ARL15: variants seen among roughly 807,000 people sequenced by gnomAD.
ARL15 encodes the protein ARF like GTPase 15.
Under a neutral mutation model 25.2 loss-of-function variants are expected in ARL15, and 19 were observed. The observed-to-expected ratio is 0.75, with a 90% CI of 0.53 to 1.10. The LOEUF is 1.10. ARL15 is among the 50% of genes least tolerant of loss of function. ARL15 has a pLI of 0.00. For missense variants in ARL15, 220 were observed against 246.0 expected (o/e 0.89, Z 0.71); for synonymous variants, 94 against 86.8 (o/e 1.08, Z -0.46).
intron 4 of ARL15, among the ~76,000 whole-genome samples, chr5:54,019,465 G>T (rs886932908): frequency 5.3e-5 from 8 of 152,208 alleles, no homozygotes; most frequent in African/African-American, 1.7e-4. Context: ...ACTACAGAGG[G>T]CTATACCTAG....
chr5:54,253,510 T>C (rs765383057), intron 1 of ARL15, among the ~76,000 whole-genome samples: 5 of 152,144 alleles, frequency 3.3e-5, no homozygotes, highest in Non-Finnish European at 7.4e-5. Context: ...CACAAGTGGG[T>C]TCCCTGCCAA....
chr5:54,292,492 ATCAC>A (rs1758358880), intron 1 of ARL15, among the ~76,000 whole-genome samples: 1 of 152,192 alleles, frequency 6.6e-6, no homozygotes, highest in Non-Finnish European at 1.5e-5. Flanking sequence ...AGAAGGCAGA[ATCAC>A]AACCCATGAA....
rs10701447 is a variant in ARL15, at chr5:54,009,542, ACT to A, written c.462+103658_462+103659del. 2.5e-4 allele frequency among the ~76,000 whole-genome samples: 38 copies of A among 152,076 alleles called. 1 individual carries two copies. Among genetic ancestry groups the A allele is most frequent in the Admixed American group, 4.6e-4 (7 of 15,248 alleles). On this transcript the variant is annotated intron_variant, in intron 4 of 4. Coordinates refer to ENST00000504924, the MANE Select transcript of ARL15 (RefSeq NM_019087.3). Reference sequence around the variant, plus strand: ...TTCAGGTCAAAAAACATTGCCCTGAACTCTCTGGCTGCTGCAGACATTCCTGC... The same window carrying A: ...TTCAGGTCAAAAAACATTGCCCTGAACTCTGGCTGCTGCAGACATTCCTGC...
intron 4 of ARL15, among the ~76,000 whole-genome samples, chr5:53,945,438 G>C (rs1462659592): frequency 1.3e-5 from 2 of 152,106 alleles, no homozygotes; most frequent in Admixed American, 1.3e-4. Flanking sequence ...GTTTGTTTAG[G>C]TCAAGGGTGA....
intron 4 of ARL15, among the ~76,000 whole-genome samples, chr5:53,900,373 C>A (rs1745024272): frequency 6.6e-6 from 1 of 152,108 alleles, no homozygotes; most frequent in Non-Finnish European, 1.5e-5. Flanking sequence ...TTATAACAGG[C>A]ATTATAAATA....
chr5:54,094,926 A>T (rs1007913298), intron 4 of ARL15, among the ~76,000 whole-genome samples: 1 of 152,238 alleles, frequency 6.6e-6, no homozygotes, highest in African/African-American at 2.4e-5. Flanking sequence ...AAGTTAGATC[A>T]GCAGCCTTCT....
At chr5:54,044,750 T>C (rs192171599) in intron 4 of ARL15, among the ~76,000 whole-genome samples, 1 of 152,324 alleles carries the variant, frequency 6.6e-6, no homozygotes, top group South Asian at 2.1e-4. Context: ...CTATATATTG[T>C]TTGCAAAATT....
At chr5:54,140,856 C>A (rs1178654068) in intron 3 of ARL15, among the ~76,000 whole-genome samples, 1 of 152,110 alleles carries the variant, frequency 6.6e-6, no homozygotes, top group Non-Finnish European at 1.5e-5. Flanking sequence ...TACCCATACA[C>A]AAAACACAAA....
At position 54,202,026 on chromosome 5, in the gene ARL15, C is replaced by T. The variant is rs545164429; in HGVS notation, c.49-30098G>A. On this transcript the variant is annotated intron_variant, in intron 1 of 4. Transcript: ENST00000504924. ...CTAGAGTATATGGCACAAATAAATT[C>T]GAAATTTGACATTTTAAAAGTCATA... Among the ~76,000 whole-genome samples, 29 of 152,142 alleles carry T rather than the reference C, an allele frequency of 1.9e-4. No individual in the cohort carries two copies. In the South Asian group the frequency reaches 4.6e-3, roughly 24 times the overall value.
chr5:53,891,574 C>T (rs1483967705), intron 4 of ARL15, among the ~76,000 whole-genome samples: 3 of 152,130 alleles, frequency 2.0e-5, no homozygotes, highest in Non-Finnish European at 4.4e-5. Flanking sequence ...TACCTCTCAC[C>T]CTGTATGGGG....
intron 4 of ARL15, among the ~76,000 whole-genome samples, chr5:54,072,973 C>T (rs1751473925): frequency 6.6e-6 from 1 of 152,128 alleles, no homozygotes; most frequent in Admixed American, 6.5e-5. Flanking sequence ...TTGTCAATGT[C>T]TTTTCTAGAC....
intron 3 of ARL15, among the ~76,000 whole-genome samples, chr5:54,141,292 TC>T (rs1054596736): frequency 1.6e-4 from 25 of 152,160 alleles, no homozygotes; most frequent in Non-Finnish European, 1.6e-4. Flanking sequence ...ACACATTTAA[TC>T]TTAACAATTC....
chr5:54,156,953 T>G (rs1180228324), intron 2 of ARL15, among the ~76,000 whole-genome samples: 1 of 152,214 alleles, frequency 6.6e-6, no homozygotes, highest in Non-Finnish European at 1.5e-5. Context: ...GAAATTCACC[T>G]GCAGGAGACT....
At chr5:53,987,997 C>G (rs1664791) in intron 4 of ARL15, among the ~76,000 whole-genome samples, 97,649 of 151,796 alleles carry the variant, frequency 0.64, 31,804 homozygotes, top group East Asian at 0.86. Flanking sequence ...CAGCTAATCC[C>G]GAGGCTGAGG....
intron 4 of ARL15, among the ~76,000 whole-genome samples, chr5:54,000,412 C>A (rs1748814377): frequency 6.6e-6 from 1 of 152,166 alleles, no homozygotes. Context: ...TAGGGTACAT[C>A]TGGAATAATC....
At chr5:53,924,178 A>G (rs754963712) in intron 4 of ARL15, among the ~76,000 whole-genome samples, 2 of 152,164 alleles carry the variant, frequency 1.3e-5, no homozygotes, top group Admixed American at 6.5e-5. Context: ...AGCTGGGAGG[A>G]GCAGACTGAG....
At chr5:53,972,686 T>G (rs1431607463) in intron 4 of ARL15, among the ~76,000 whole-genome samples, 1 of 152,220 alleles carries the variant, frequency 6.6e-6, no homozygotes, top group Non-Finnish European at 1.5e-5. Flanking sequence ...ACTGTCTTAT[T>G]ATTATACAGG....
intron 1 of ARL15, among the ~76,000 whole-genome samples, chr5:54,198,946 G>C (rs1188174791): frequency 2.0e-5 from 3 of 152,026 alleles, no homozygotes; most frequent in African/African-American, 4.8e-5. Context: ...TACCAAAACA[G>C]AGATATAGAT....
intron 4 of ARL15, among the ~76,000 whole-genome samples, chr5:53,979,141 C>T (rs1262760405): frequency 1.3e-5 from 2 of 152,188 alleles, no homozygotes; most frequent in Non-Finnish European, 2.9e-5. Context: ...TGAACCTGCT[C>T]TGTCAACAGG....
Sources: allele counts gnomAD v4.1 joint callset (sites outside exome capture counted in the v4.1 genomes callset), GRCh38; gene constraint gnomAD v4.1.1; transcripts MANE v1.5; gene names NCBI Gene and HGNC (gene_info 2026-07-23, HGNC 2026-07-21).